Variants in EXOC4 observed in about 807,000 individuals in gnomAD.
EXOC4 encodes the protein SEC8-like 1.
A neutral mutation model predicts 107.2 loss-of-function variants in EXOC4; 71 were observed. The observed-to-expected ratio is 0.66, with a 90% CI of 0.55 to 0.81. EXOC4 has a LOEUF of 0.81. Among genes scored for constraint, EXOC4 ranks in the 30% least tolerant of loss-of-function variants. The pLI is 0.00. For missense variants in EXOC4, 1,108 were observed against 1,189.6 expected, an observed-to-expected ratio of 0.93 and a Z score of 1.01; for synonymous variants, 456 against 441.2, an observed-to-expected ratio of 1.03 and a Z score of -0.42.
intron 10 of EXOC4, among the ~76,000 whole-genome samples, chr7:133,688,266 G>A (rs1332772780): frequency 6.6e-6 from 1 of 152,082 alleles, no homozygotes; most frequent in African/African-American, 2.4e-5. Flanking sequence ...CACAGTGCAT[G>A]GAATAGGCAT....
chr7:133,867,591 T>C (rs1037747114), intron 11 of EXOC4, among the ~76,000 whole-genome samples: 2 of 152,136 alleles, frequency 1.3e-5, no homozygotes, highest in African/African-American at 4.8e-5. Flanking sequence ...CTTTGGGGTG[T>C]TTCTCTCCCC....
the EXOC4 span, among the ~76,000 whole-genome samples, chr7:134,089,467 G>C: frequency 6.6e-6 from 1 of 152,136 alleles, no homozygotes; most frequent in South Asian, 2.1e-4. Flanking sequence ...ATGTACTAGT[G>C]TGGAGCCTAG....
At chr7:133,957,542 T>G (rs977711812) in intron 14 of EXOC4, among the ~76,000 whole-genome samples, 1 of 152,206 alleles carries the variant, frequency 6.6e-6, no homozygotes, top group African/African-American at 2.4e-5. Flanking sequence ...AAGTCAAGAT[T>G]CTTAAATGTT....
chr7:133,538,857 A>AGAGAGAG (rs1563101091), intron 9 of EXOC4, among the ~76,000 whole-genome samples: 3 of 72,192 alleles, frequency 4.2e-5, no homozygotes, highest in African/African-American at 1.6e-4. Flanking sequence ...GAAAGAAAGA[A>AGAGAGAG]AGAGAGAGAG....
intron 9 of EXOC4, among the ~76,000 whole-genome samples, chr7:133,495,112 T>C (rs1029810430): frequency 6.6e-6 from 1 of 151,848 alleles, no homozygotes; most frequent in African/African-American, 2.4e-5. Flanking sequence ...ATTAGTTGAG[T>C]ATAGTGGCAC....
intron 9 of EXOC4, among the ~76,000 whole-genome samples, chr7:133,583,497 A>G (rs1370753329): frequency 6.6e-6 from 1 of 152,210 alleles, no homozygotes; most frequent in Non-Finnish European, 1.5e-5. Context: ...AAGATTTTGC[A>G]GGAGAAAGAA....
At chr7:133,741,628 CTAAT>C (rs1332889395) in intron 10 of EXOC4, among the ~76,000 whole-genome samples, 2 of 152,194 alleles carry the variant, frequency 1.3e-5, no homozygotes, top group East Asian at 3.9e-4. Context: ...ATTGAGTGCT[CTAAT>C]TGAACTATGT....
chr7:133,566,901 G>A (rs180947745), intron 9 of EXOC4, among the ~76,000 whole-genome samples: 24 of 152,204 alleles, frequency 1.6e-4, no homozygotes, highest in Non-Finnish European at 1.5e-4. Context: ...TAAAGGTTCA[G>A]AATATCTCAA....
chr7:133,427,055 G>A (rs1241078101), intron 7 of EXOC4, among the ~76,000 whole-genome samples: 9 of 152,002 alleles, frequency 5.9e-5, no homozygotes, highest in African/African-American at 2.2e-4. Flanking sequence ...GCTCCCATAT[G>A]TGTGGTTTTT....
intron 3 of EXOC4, among the ~76,000 whole-genome samples, chr7:133,302,231 A>G (rs1450861941): frequency 6.6e-6 from 1 of 152,228 alleles, no homozygotes. Context: ...ATATCATGTG[A>G]TAAAACATTT....
intron 11 of EXOC4, among the ~76,000 whole-genome samples, chr7:133,824,006 A>C (rs1369719422): frequency 7.0e-6 from 1 of 142,650 alleles, no homozygotes; most frequent in Non-Finnish European, 1.5e-5. Context: ...GGATACTTTG[A>C]ACCAAGCCTT....
intron 7 of EXOC4, among the ~76,000 whole-genome samples, chr7:133,451,120 A>C (rs1798335973): frequency 6.6e-6 from 1 of 152,188 alleles, no homozygotes; most frequent in Admixed American, 6.5e-5. Context: ...CATTCAGTAT[A>C]CGTGTTAACT....
At chr7:133,424,560 A>C (rs571847813) in intron 7 of EXOC4, among the ~76,000 whole-genome samples, 1 of 152,188 alleles carries the variant, frequency 6.6e-6, no homozygotes, top group South Asian at 2.1e-4. Flanking sequence ...CCAAGAACCC[A>C]CCAATTCCAA....
chr7:133,395,889 C>T (rs1437546705), intron 7 of EXOC4, among the ~76,000 whole-genome samples: 1 of 151,938 alleles, frequency 6.6e-6, no homozygotes, highest in Admixed American at 6.6e-5. Flanking sequence ...TTCTTTACAG[C>T]ATACGAACAT....
intron 10 of EXOC4, among the ~76,000 whole-genome samples, chr7:133,723,306 A>G (rs1016169229): frequency 3.9e-5 from 6 of 152,192 alleles, no homozygotes; most frequent in African/African-American, 1.4e-4. Flanking sequence ...ACCTTGAGCA[A>G]TTGCTTTCAC....
At chr7:133,909,844 A>C (rs1231129069) in intron 12 of EXOC4, among the ~76,000 whole-genome samples, 1 of 152,044 alleles carries the variant, frequency 6.6e-6, no homozygotes, top group Non-Finnish European at 1.5e-5. Flanking sequence ...TAAAGATCTT[A>C]ATGATATTCA....
At chr7:134,100,582 C>T in the EXOC4 span, among the ~76,000 whole-genome samples, 21,321 of 128,930 alleles carry the variant, frequency 0.17, 5,960 homozygotes, top group African/African-American at 0.4. Context: ...GAACCACGGT[C>T]TGTAAAGGAG....
intron 9 of EXOC4, among the ~76,000 whole-genome samples, chr7:133,492,423 G>T (rs1799389708): frequency 6.6e-6 from 1 of 152,122 alleles, no homozygotes; most frequent in African/African-American, 2.4e-5. Flanking sequence ...ATTTCATTAT[G>T]TATGCTTTTA....
At chr7:133,615,256 C>T (rs1344345724) in intron 9 of EXOC4, among the ~76,000 whole-genome samples, 1 of 151,980 alleles carries the variant, frequency 6.6e-6, no homozygotes, top group East Asian at 1.9e-4. Flanking sequence ...ACCAACCCCT[C>T]CTCTTCTCCC....
Sources: allele counts gnomAD v4.1 joint callset (sites outside exome capture counted in the v4.1 genomes callset), GRCh38; gene constraint gnomAD v4.1.1; transcripts MANE v1.5; gene names NCBI Gene and HGNC (gene_info 2026-07-23, HGNC 2026-07-21).